GPC6: variants seen among roughly 807,000 people sequenced by gnomAD.
GPC6 encodes the protein glypican 6, also known as glypican-6.
GPC6 carries 14 observed loss-of-function variants against 55.2 expected under a neutral mutation model. The observed-to-expected ratio is 0.25, with a 90% confidence interval of 0.17 to 0.40. GPC6 has a LOEUF of 0.40. GPC6 is among the 10% of genes least tolerant of loss of function. The pLI is 1.00. For synonymous variants in GPC6, 278 were observed against 259.6 expected (o/e 1.07, Z -0.68); for missense variants, 641 against 708.5 (o/e 0.90, Z 1.08).
At chr13:93,807,021 TATA>T (rs1886561500) in intron 2 of GPC6, among the ~76,000 whole-genome samples, 1 of 152,192 alleles carries the variant, frequency 6.6e-6, no homozygotes, top group African/African-American at 2.4e-5. Context: ...TAAATGAGTG[TATA>T]ATAATATCTT....
At chr13:93,287,813 TTTA>T (rs1369479540) in intron 1 of GPC6, among the ~76,000 whole-genome samples, 2 of 152,182 alleles carry the variant, frequency 1.3e-5, no homozygotes, top group East Asian at 3.9e-4. Flanking sequence ...GCGTTAGAAG[TTTA>T]TTGTCAATTA....
intron 1 of GPC6, among the ~76,000 whole-genome samples, chr13:93,409,661 A>G (rs1876423913): frequency 1.3e-5 from 2 of 152,220 alleles, no homozygotes; most frequent in African/African-American, 4.8e-5. Context: ...GAAGAAAATA[A>G]TATTAACAAG....
chr13:93,663,095 C>CAAAA, intron 2 of GPC6, among the ~76,000 whole-genome samples: 1 of 111,176 alleles, frequency 9.0e-6, no homozygotes, highest in Non-Finnish European at 2.1e-5. Context: ...TGACTGGTTG[C>CAAAA]AAAAAAAAAA....
chr13:94,386,114 C>T (rs1387395563), intron 7 of GPC6, among the ~76,000 whole-genome samples: 1 of 150,256 alleles, frequency 6.7e-6, no homozygotes, highest in African/African-American at 2.4e-5. Context: ...AATCCCAGCA[C>T]TTTGGGAGGC....
chr13:93,733,198 ACT>A (rs1320781160), intron 2 of GPC6, among the ~76,000 whole-genome samples: 14 of 152,164 alleles, frequency 9.2e-5, no homozygotes, highest in South Asian at 6.2e-4. Context: ...GTGACTCAAA[ACT>A]CTCAAAATAT....
intron 1 of GPC6, among the ~76,000 whole-genome samples, chr13:93,313,744 A>C (rs1403753253): frequency 1.3e-5 from 2 of 152,164 alleles, no homozygotes; most frequent in East Asian, 3.9e-4. Flanking sequence ...ATAGTGCACT[A>C]TAGCCTAGAA....
chr13:93,522,195 A>T (rs562603413), intron 1 of GPC6, among the ~76,000 whole-genome samples: 1 of 151,980 alleles, frequency 6.6e-6, no homozygotes, highest in East Asian at 1.9e-4. Flanking sequence ...TCTTTGAGCT[A>T]TTTTACAACT....
At chr13:94,214,704 A>T (rs1890177636) in intron 4 of GPC6, among the ~76,000 whole-genome samples, 2 of 152,160 alleles carry the variant, frequency 1.3e-5, no homozygotes, top group Admixed American at 1.3e-4. Flanking sequence ...TAAATTTATC[A>T]ATAGTTGAAT....
chr13:93,835,180 A>G (rs142517010), intron 3 of GPC6, among the ~76,000 whole-genome samples: 41 of 152,310 alleles, frequency 2.7e-4, no homozygotes, highest in African/African-American at 9.1e-4. Flanking sequence ...CTGGCATGGC[A>G]TGGTGTCTCA....
chr13:93,778,623 A>G (rs1202542230), intron 2 of GPC6, among the ~76,000 whole-genome samples: 1 of 152,144 alleles, frequency 6.6e-6, no homozygotes, highest in East Asian at 1.9e-4. Flanking sequence ...CACTTTCACC[A>G]TTCTTGCACC....
chr13:94,042,575 C>T lies in GPC6; in HGVS notation c.877+14681C>T, dbSNP rs552621410. Among the ~76,000 whole-genome samples the T allele has an allele frequency of 2.0e-5, 3 of 151,958 alleles. No individual in the cohort carries two copies. In the East Asian group the frequency reaches 5.8e-4, roughly 30 times the overall value. ...TTCCTTATCTCTTATGACCTTGACA[C>T]TATTGATAAACACTGATCAGTTACT... On this transcript the variant is annotated intron_variant, in intron 4 of 8. Coordinates refer to ENST00000377047, the MANE Select transcript of GPC6 (RefSeq NM_005708.5).
chr13:94,207,102 A>G (rs1180737195), intron 4 of GPC6, among the ~76,000 whole-genome samples: 1 of 152,022 alleles, frequency 6.6e-6, no homozygotes, highest in Admixed American at 6.6e-5. Flanking sequence ...TATCTTGTCC[A>G]TTCTTCCCCA....
intron 5 of GPC6, among the ~76,000 whole-genome samples, chr13:94,303,870 A>T (rs16949687): frequency 0.032 from 4,892 of 151,774 alleles, 276 homozygotes; most frequent in African/African-American, 0.11. Context: ...TGTTTCTTTG[A>T]TTTAACTTAA....
chr13:93,866,676 C>G (rs1888975421), intron 3 of GPC6, among the ~76,000 whole-genome samples: 1 of 151,672 alleles, frequency 6.6e-6, no homozygotes, highest in Admixed American at 6.6e-5. Context: ...GATGAGAACA[C>G]ATGGACACAC....
At chr13:93,532,266 C>T (rs548950993) in intron 1 of GPC6, among the ~76,000 whole-genome samples, 1 of 152,044 alleles carries the variant, frequency 6.6e-6, no homozygotes, top group African/African-American at 2.4e-5. Context: ...CAAGATCTTT[C>T]TATTCATTAT....
At chr13:93,833,849 A>T (rs547724904) in intron 3 of GPC6, among the ~76,000 whole-genome samples, 1 of 152,188 alleles carries the variant, frequency 6.6e-6, no homozygotes, top group South Asian at 2.1e-4. Context: ...TAGCCTTCAG[A>T]TGGGGCCAGT....
chr13:94,103,038 C>T (rs961650174), intron 4 of GPC6, among the ~76,000 whole-genome samples: 1 of 152,156 alleles, frequency 6.6e-6, no homozygotes, highest in African/African-American at 2.4e-5. Context: ...CCTACCCACT[C>T]CCACCATCCC....
chr13:93,798,467 T>C (rs1291820824), intron 2 of GPC6, among the ~76,000 whole-genome samples: 1 of 152,158 alleles, frequency 6.6e-6, no homozygotes, highest in Non-Finnish European at 1.5e-5. Context: ...CCAATTCAGT[T>C]AGATTTTGCA....
At chr13:94,258,823 A>G (rs1891575617) in intron 4 of GPC6, among the ~76,000 whole-genome samples, 1 of 152,210 alleles carries the variant, frequency 6.6e-6, no homozygotes. Flanking sequence ...GTCATGGAAG[A>G]CTCAGGCTCC....
Sources: gnomAD v4.1 joint callset for allele counts (sites outside exome capture counted in the v4.1 genomes callset) on GRCh38, gnomAD v4.1.1 for gene constraint, MANE v1.5 for transcripts, NCBI Gene and HGNC (gene_info 2026-07-23, HGNC 2026-07-21) for gene names.